The following SMIM10L3 variants were observed in gnomAD, a reference collection of about 807,000 sequenced individuals.
The protein encoded by SMIM10L3 is small integral membrane protein 10 like 3.
the SMIM10L3 span, among the ~76,000 whole-genome samples, chr7:6,339,633 G>C: frequency 6.6e-6 from 1 of 150,548 alleles, no homozygotes; most frequent in South Asian, 2.1e-4. Context: ...ACAGGCGCCC[G>C]CCACCACGCC....
At chr7:6,337,587 AT>A in the SMIM10L3 span, among the ~76,000 whole-genome samples, 23 of 138,146 alleles carry the variant, frequency 1.7e-4, no homozygotes, top group South Asian at 2.5e-4. Flanking sequence ...CAGTACCATT[AT>A]TTTTTTTCAT....
the SMIM10L3 span, among the ~76,000 whole-genome samples, chr7:6,335,305 C>G: frequency 7.9e-5 from 12 of 152,042 alleles, no homozygotes; most frequent in Non-Finnish European, 1.6e-4. Context: ...TCACTACAAC[C>G]TCTGCCTCCT....
At chr7:6,347,020 C>G in the SMIM10L3 span, among the ~76,000 whole-genome samples, 1 of 152,176 alleles carries the variant, frequency 6.6e-6, no homozygotes. Flanking sequence ...GACAACCTTT[C>G]CTTCCACTAG....
At chr7:6,337,073 C>T in the SMIM10L3 span, among the ~76,000 whole-genome samples, 7 of 144,884 alleles carry the variant, frequency 4.8e-5, no homozygotes, top group Non-Finnish European at 9.1e-5. Context: ...TATTTTAATT[C>T]TTTTTTTTTT....
chr7:6,337,827 A>G, the SMIM10L3 span, among the ~76,000 whole-genome samples: 15 of 145,824 alleles, frequency 1.0e-4, no homozygotes, highest in South Asian at 3.0e-3. Context: ...ATTTTGAGAC[A>G]GAGTCTTGCT....
the SMIM10L3 span, among the ~76,000 whole-genome samples, chr7:6,345,736 TC>T: frequency 6.6e-6 from 1 of 152,070 alleles, no homozygotes; most frequent in African/African-American, 2.4e-5. Flanking sequence ...CCTCAAAGTT[TC>T]TTTTTTTAAA....
At chr7:6,342,268 G>C in the SMIM10L3 span, among the ~76,000 whole-genome samples, 1 of 151,538 alleles carries the variant, frequency 6.6e-6, no homozygotes, top group African/African-American at 2.4e-5. Context: ...GTCTAGGCTG[G>C]GTGCGGTGGC....
At chr7:6,339,878 C>T in the SMIM10L3 span, among the ~76,000 whole-genome samples, 2 of 151,312 alleles carry the variant, frequency 1.3e-5, no homozygotes, top group African/African-American at 4.8e-5. Context: ...GCCAGCTCGG[C>T]GTCAGGCAAC....
chr7:6,348,036 G>C, the SMIM10L3 span, among the ~76,000 whole-genome samples: 2 of 151,186 alleles, frequency 1.3e-5, no homozygotes, highest in South Asian at 4.2e-4. Flanking sequence ...TCAGCCTCCC[G>C]AGTAGCTGGG....
chr7:6,337,920 C>T, the SMIM10L3 span, among the ~76,000 whole-genome samples: 2 of 151,656 alleles, frequency 1.3e-5, no homozygotes, highest in Admixed American at 1.3e-4. Flanking sequence ...TCTCCTGCCT[C>T]ACCCTCCCAA....
the SMIM10L3 span, among the ~76,000 whole-genome samples, chr7:6,339,471 G>C: frequency 1.3e-5 from 2 of 151,790 alleles, no homozygotes; most frequent in African/African-American, 4.8e-5. Flanking sequence ...TATAAAACCA[G>C]CTGTGTACCC....
the SMIM10L3 span, among the ~76,000 whole-genome samples, chr7:6,348,093 A>G: frequency 6.6e-6 from 1 of 150,990 alleles, no homozygotes; most frequent in African/African-American, 2.4e-5. Flanking sequence ...TATTTTTAGT[A>G]GAGACGGGGT....
At chr7:6,337,315 T>C in the SMIM10L3 span, among the ~76,000 whole-genome samples, 3 of 151,990 alleles carry the variant, frequency 2.0e-5, no homozygotes, top group Non-Finnish European at 4.4e-5. Context: ...AGATATGGGG[T>C]TTTACCATGA....
the SMIM10L3 span, among the ~76,000 whole-genome samples, chr7:6,335,372 G>A: frequency 1.2e-4 from 18 of 151,946 alleles, no homozygotes; most frequent in East Asian, 7.8e-4. Flanking sequence ...ACAAGCGCCC[G>A]CCACCACGCC....
At chr7:6,336,906 A>G in the SMIM10L3 span, among the ~76,000 whole-genome samples, 3 of 152,050 alleles carry the variant, frequency 2.0e-5, no homozygotes, top group Admixed American at 6.6e-5. Flanking sequence ...CGCCCACCTC[A>G]GCCTCCCAAA....
the SMIM10L3 span, among the ~76,000 whole-genome samples, chr7:6,337,351 A>G: frequency 6.6e-6 from 1 of 151,122 alleles, no homozygotes; most frequent in African/African-American, 2.4e-5. Flanking sequence ...CTAACTCCTG[A>G]CCTCAGGTGA....
At chr7:6,348,184 G>A in the SMIM10L3 span, among the ~76,000 whole-genome samples, 2 of 147,884 alleles carry the variant, frequency 1.4e-5, no homozygotes, top group Admixed American at 6.8e-5. Context: ...TGCATTACAG[G>A]AGTAAGCCAC....
the SMIM10L3 span, among the ~76,000 whole-genome samples, chr7:6,341,687 CAA>C: frequency 2.1e-4 from 23 of 110,668 alleles, no homozygotes; most frequent in Non-Finnish European, 1.7e-4. Context: ...AAGACTCTGT[CAA>C]AAAAAAAAAA....
the SMIM10L3 span, among the ~76,000 whole-genome samples, chr7:6,335,435 C>G: frequency 6.6e-6 from 1 of 151,122 alleles, no homozygotes; most frequent in Non-Finnish European, 1.5e-5. Context: ...CGCTATGTTG[C>G]CAGGCTGGTC....
Sources: gnomAD v4.1 joint callset for allele counts (sites outside exome capture counted in the v4.1 genomes callset) on GRCh38, gnomAD v4.1.1 for gene constraint, MANE v1.5 for transcripts, NCBI Gene and HGNC (gene_info 2026-07-23, HGNC 2026-07-21) for gene names.